Variants in VPS8 observed in about 807,000 individuals in gnomAD.
VPS8 encodes the protein VPS8 subunit of CORVET complex, also known as vacuolar protein sorting-associated protein 8 homolog.
Under a neutral mutation model 216.4 loss-of-function variants are expected in VPS8, and 129 were observed. The ratio of observed to expected loss-of-function variants is 0.60; its 90% CI spans 0.52 to 0.69. VPS8 has a LOEUF of 0.69. VPS8 is among the 30% of genes least tolerant of loss of function. The pLI is 0.00. For missense variants in VPS8, 1,531 were observed against 1,683.5 expected (o/e 0.91, Z 1.59); for synonymous variants, 571 against 565.4 (o/e 1.01, Z -0.14).
intron 3 of VPS8, among the ~76,000 whole-genome samples, chr3:184,826,994 AT>A (rs1483208170): frequency 1.1e-4 from 17 of 152,162 alleles, no homozygotes; most frequent in Non-Finnish European, 2.2e-4. Context: ...CTCAGTCTTC[AT>A]TTTTTAAAAA....
chr3:185,018,477 G>A (rs918561366), intron 45 of VPS8, among the ~76,000 whole-genome samples: 4 of 152,330 alleles, frequency 2.6e-5, no homozygotes, highest in Admixed American at 2.6e-4. Context: ...CCAAAAGTTG[G>A]TCTGCAGTTA....
At chr3:184,981,157 C>T (rs1470408046) in intron 40 of VPS8, among the ~76,000 whole-genome samples, 1 of 152,064 alleles carries the variant, frequency 6.6e-6, no homozygotes, top group Non-Finnish European at 1.5e-5. Context: ...TGCTCTGGCC[C>T]CTCAGGCTTA....
intron 42 of VPS8, among the ~76,000 whole-genome samples, chr3:184,988,669 G>C (rs559710221): frequency 3.1e-4 from 47 of 152,118 alleles, no homozygotes; most frequent in Non-Finnish European, 3.7e-4. Flanking sequence ...CTTCAGAAAC[G>C]GTTTGTTGAT....
chr3:184,988,073 A>G (rs1489614412), intron 42 of VPS8, among the ~76,000 whole-genome samples: 4 of 152,200 alleles, frequency 2.6e-5, no homozygotes, highest in Admixed American at 2.6e-4. Context: ...GTTCTTTATC[A>G]CATGCGTGTT....
chr3:184,873,033 A>G (rs1037010897), intron 21 of VPS8, among the ~76,000 whole-genome samples: 2 of 152,166 alleles, frequency 1.3e-5, no homozygotes, highest in African/African-American at 2.4e-5. Flanking sequence ...GCCTACCACA[A>G]TGCTGTGGAG....
intron 34 of VPS8, among the ~76,000 whole-genome samples, chr3:184,934,698 C>G (rs888223892): frequency 6.6e-6 from 1 of 152,062 alleles, no homozygotes; most frequent in Non-Finnish European, 1.5e-5. Context: ...ATTAAACCAA[C>G]CTTGATTTTT....
At chr3:184,914,423 C>T (rs1211452148) in intron 26 of VPS8, among the ~76,000 whole-genome samples, 2 of 152,196 alleles carry the variant, frequency 1.3e-5, no homozygotes, top group African/African-American at 2.4e-5. Flanking sequence ...TAATTCAGCT[C>T]ACAAGGCAAG....
Position 184,870,872 on chromosome 3 carries a change from C to G in VPS8, c.1734+67C>G, listed in dbSNP as rs968515353. The stretch of plus-strand genomic sequence containing the variant: ...GGTCTAATACTCCTCTTTTATGTTA[C>G]TTGAGAATGTGACTTTCATTTTTGG... On this transcript the variant is annotated intron_variant, in intron 21 of 47. Transcript: ENST00000625842. The G allele has an allele frequency of 2.2e-6, 3 of 1,344,824 alleles. No homozygotes were observed. In the African/African-American group the frequency reaches 4.4e-5, roughly 20 times the overall value. 83.3% of individuals were successfully genotyped at this position (1,344,824 alleles called of 1,614,324 possible).
chr3:184,839,591 G>C, intron 6 of VPS8, 107 bp from the exon 7 acceptor site: 1 of 1,025,020 alleles, frequency 9.8e-7, no homozygotes, highest in Non-Finnish European at 1.4e-6. Flanking sequence ...ACAATAGTTT[G>C]TATGTCATCT....
chr3:185,034,317 TGTGA>T (rs1758577047), intron 46 of VPS8, among the ~76,000 whole-genome samples: 3 of 152,226 alleles, frequency 2.0e-5, no homozygotes, highest in Admixed American at 1.3e-4. Context: ...TCCTTGCTAT[TGTGA>T]GTAATAGCCA....
chr3:184,987,675 G>A (rs1040814652), intron 42 of VPS8, among the ~76,000 whole-genome samples: 32 of 152,102 alleles, frequency 2.1e-4, no homozygotes, highest in Non-Finnish European at 3.5e-4. Flanking sequence ...AAAATTTTCA[G>A]TAAAACAGCT....
At position 184,930,939 on chromosome 3, in the gene VPS8, C is replaced by T. The variant is rs56266423; in HGVS notation, c.2898+371C>T. Among the ~76,000 whole-genome samples, 1,112 of 152,240 alleles carry T rather than the reference C, an allele frequency of 7.3e-3. 7 individuals carry two copies. Among genetic ancestry groups the T allele is most frequent in the African/African-American group, 0.025 (1,032 of 41,540 alleles). On this transcript the variant is annotated intron_variant, in intron 34 of 47. Transcript: ENST00000625842. ...GAAAAATTACTGCAATGAGTTTTCT[C>T]TCTGATGTGTTTCTCTTCCTTATAT...
At chr3:184,883,424 C>A (rs570267025) in intron 21 of VPS8, among the ~76,000 whole-genome samples, 5 of 152,282 alleles carry the variant, frequency 3.3e-5, no homozygotes, top group African/African-American at 1.2e-4. Flanking sequence ...TTAACTTCTT[C>A]CTTCTAACAC....
intron 23 of VPS8, among the ~76,000 whole-genome samples, chr3:184,896,928 A>C (rs1733600267): frequency 6.6e-6 from 1 of 152,168 alleles, no homozygotes; most frequent in African/African-American, 2.4e-5. Context: ...GAATGACAAG[A>C]AGGAATCAGT....
intron 22 of VPS8, among the ~76,000 whole-genome samples, chr3:184,894,352 G>A (rs1452886072): frequency 6.6e-6 from 1 of 152,046 alleles, no homozygotes; most frequent in Non-Finnish European, 1.5e-5. Context: ...AATAGACTGA[G>A]CACAGGATTT....
intron 23 of VPS8, among the ~76,000 whole-genome samples, chr3:184,896,641 T>C (rs1733540111): frequency 6.6e-6 from 1 of 152,242 alleles, no homozygotes; most frequent in African/African-American, 2.4e-5. Flanking sequence ...TTTAACAGCA[T>C]TTGTTCGTTA....
chr3:185,031,063 GTTTTTTT>G (rs765510619), intron 46 of VPS8, among the ~76,000 whole-genome samples: 2 of 64,346 alleles, frequency 3.1e-5, no homozygotes, highest in Admixed American at 1.8e-4. Context: ...ACAGGTTGGC[GTTTTTTT>G]TTTTTTTTTT....
At chr3:184,980,593 C>G (rs1003905390) in intron 40 of VPS8, among the ~76,000 whole-genome samples, 2 of 151,888 alleles carry the variant, frequency 1.3e-5, no homozygotes, top group African/African-American at 4.8e-5. Flanking sequence ...ATTCTTTCTT[C>G]AGCTTGATCT....
intron 29 of VPS8, among the ~76,000 whole-genome samples, chr3:184,921,594 G>T (rs752137817): frequency 3.3e-5 from 5 of 150,826 alleles, no homozygotes; most frequent in Admixed American, 2.6e-4. Context: ...TTTTTTTTGA[G>T]ACTGAGTCTT....
Sources: gnomAD v4.1 joint callset for allele counts (sites outside exome capture counted in the v4.1 genomes callset) on GRCh38, gnomAD v4.1.1 for gene constraint, MANE v1.5 for transcripts, NCBI Gene and HGNC (gene_info 2026-07-23, HGNC 2026-07-21) for gene names.